Variants in RFWD3 observed in about 807,000 individuals in gnomAD.
The protein encoded by RFWD3 is ring finger and WD repeat domain 3, also known as E3 ubiquitin-protein ligase RFWD3.
Under a neutral mutation model 87.7 loss-of-function variants are expected in RFWD3, and 65 were observed. The ratio of observed to expected loss-of-function variants is 0.74; its 90% CI spans 0.61 to 0.91. The LOEUF (loss-of-function observed/expected upper bound fraction) is 0.91. RFWD3 is among the 40% of genes least tolerant of loss of function. The pLI, the probability that RFWD3 is intolerant of heterozygous loss-of-function variation, is 0.00. For missense variants in RFWD3, 1,078 were observed against 938.5 expected (o/e 1.15, Z -1.94); for synonymous variants, 433 against 352.8 (o/e 1.23, Z -2.55).
At chr16:74,651,426 G>A (rs187763888) in intron 3 of RFWD3, among the ~76,000 whole-genome samples, 81 of 152,044 alleles carry the variant, frequency 5.3e-4, no homozygotes, top group Non-Finnish European at 8.2e-4. Flanking sequence ...ATGACCAGCC[G>A]GGGCAACATG....
At chr16:74,661,895 G>C (rs1961470804) in intron 1 of RFWD3, among the ~76,000 whole-genome samples, 1 of 152,078 alleles carries the variant, frequency 6.6e-6, no homozygotes, top group South Asian at 2.1e-4. Context: ...GGGATAAATA[G>C]AGAAAGGACA....
chr16:74,650,561 C>G (rs1411875554), intron 3 of RFWD3, among the ~76,000 whole-genome samples: 1 of 152,032 alleles, frequency 6.6e-6, no homozygotes, highest in Non-Finnish European at 1.5e-5. Context: ...AACCCTGCAA[C>G]CTAATGGTTT....
At chr16:74,640,766 C>T (rs866136816) in intron 6 of RFWD3, among the ~76,000 whole-genome samples, 39 of 151,674 alleles carry the variant, frequency 2.6e-4, no homozygotes, top group Middle Eastern at 3.4e-3. Context: ...GGTGAAACCC[C>T]GTCTCTACTA....
intron 4 of RFWD3, among the ~76,000 whole-genome samples, chr16:74,646,542 C>T (rs998919646): frequency 6.6e-6 from 1 of 151,570 alleles, no homozygotes; most frequent in African/African-American, 2.4e-5. Flanking sequence ...AATCCTAGCA[C>T]TTTGGGAGGC....
At chr16:74,645,347 C>A (rs1410468763) in intron 4 of RFWD3, among the ~76,000 whole-genome samples, 2 of 152,180 alleles carry the variant, frequency 1.3e-5, no homozygotes, top group Non-Finnish European at 2.9e-5. Flanking sequence ...CTAGAGATAC[C>A]TCATGGATAT....
chr16:74,626,581 A>T (rs376863355), intron 11 of RFWD3, 27 bp from the exon 12 acceptor site: 1 of 1,583,180 alleles, frequency 6.3e-7, no homozygotes, highest in East Asian at 2.2e-5. Context: ...TCAGTGCTGC[A>T]CCATGGGGAC....
At chr16:74,642,234 T>C (rs1179254684) in intron 6 of RFWD3, among the ~76,000 whole-genome samples, 1 of 151,682 alleles carries the variant, frequency 6.6e-6, no homozygotes, top group African/African-American at 2.4e-5. Flanking sequence ...GCGATTCTCG[T>C]GCCTCAGCCT....
chr16:74,635,306 TA>T (rs991987835), intron 8 of RFWD3, among the ~76,000 whole-genome samples: 101 of 144,156 alleles, frequency 7.0e-4, no homozygotes, highest in African/African-American at 2.0e-3. Context: ...AAATAAAAAA[TA>T]AAAAAAAAAA....
At chr16:74,662,875 C>T (rs1180714429) in intron 1 of RFWD3, among the ~76,000 whole-genome samples, 1 of 151,566 alleles carries the variant, frequency 6.6e-6, no homozygotes, top group East Asian at 1.9e-4. Context: ...AACAAACAGA[C>T]AGCTTTAAGA....
chr16:74,624,371 T>C (rs776833419), intron 12 of RFWD3, among the ~76,000 whole-genome samples: 1 of 152,118 alleles, frequency 6.6e-6, no homozygotes, highest in Non-Finnish European at 1.5e-5. Flanking sequence ...TAAGATAAAG[T>C]CCCTGTCTTT....
At chr16:74,646,105 G>C (rs1597439662) in intron 4 of RFWD3, among the ~76,000 whole-genome samples, 1 of 152,300 alleles carries the variant, frequency 6.6e-6, no homozygotes, top group South Asian at 2.1e-4. Context: ...GCCAGGTGTA[G>C]TAATCACACC....
At chr16:74,658,738 A>G (rs758642267) in intron 2 of RFWD3, among the ~76,000 whole-genome samples, 3 of 151,606 alleles carry the variant, frequency 2.0e-5, no homozygotes, top group Admixed American at 6.6e-5. Flanking sequence ...TAAATTCTGT[A>G]TAACTCATTC....
intron 4 of RFWD3, among the ~76,000 whole-genome samples, chr16:74,647,690 C>T (rs577518437): frequency 6.6e-6 from 1 of 152,292 alleles, no homozygotes; most frequent in African/African-American, 2.4e-5. Flanking sequence ...CTCCCAGGTT[C>T]AAGCGATTCT....
chr16:74,624,055 C>T lies in RFWD3; in HGVS notation c.2198G>A (p.Ser733Asn). ...CTGTAGGTCCTGGAGCAACGAGCCA[C>T]TGGCAGCATCCCACAGCTAAAGAAC... is the stretch of plus-strand genomic sequence containing the variant. Reference protein sequence around the residue: ...ANSALLWDAASGSLLQDLQTD... With the variant: ...ANSALLWDAANGSLLQDLQTD... The change falls in exon 13 of 13, where the codon AGT becomes AAT. Residue 733 changes from serine to asparagine, a missense_variant. Physicochemically the swap from Ser to Asn is conservative, Grantham distance 46. Transcript: ENST00000361070. 1 of 1,613,992 alleles carries T rather than the reference C, an allele frequency of 6.2e-7. No individual in the cohort carries two copies. The highest frequency in any genetic ancestry group is 1.7e-5 in the Admixed American group (1 of 59,964).
At chr16:74,653,136 C>T (rs369913815) in intron 2 of RFWD3, among the ~76,000 whole-genome samples, 3 of 151,894 alleles carry the variant, frequency 2.0e-5, no homozygotes, top group Non-Finnish European at 4.4e-5. Context: ...CCTAGGAGTT[C>T]GAGACCAGCC....
intron 4 of RFWD3, among the ~76,000 whole-genome samples, chr16:74,646,517 G>C (rs374492324): frequency 1.3e-5 from 2 of 151,960 alleles, no homozygotes; most frequent in Admixed American, 6.5e-5. Context: ...GCTGGGCGCA[G>C]TGGCTCACAC....
intron 1 of RFWD3, among the ~76,000 whole-genome samples, chr16:74,665,752 C>CT (rs141723558): frequency 0.25 from 34,662 of 138,752 alleles, 4,735 homozygotes; most frequent in South Asian, 0.51. Flanking sequence ...TTCTTTCTTT[C>CT]TTTCTTTTTT....
chr16:74,652,553 T>C lies in RFWD3; in HGVS notation c.519-431A>G, dbSNP rs75007821. 2.9e-3 allele frequency among the ~76,000 whole-genome samples: 445 copies of C among 152,330 alleles called. 1 individual carries two copies. The highest frequency in any genetic ancestry group is 4.9e-3 in the Non-Finnish European group (334 of 68,040). ...CAGACCAAGGTATTTTGGAGTACAG[T>C]ACAGGGTCTGGCTTCTGTAATTTCT... is the stretch of plus-strand genomic sequence containing the variant. On this transcript the variant is annotated intron_variant, in intron 2 of 12. Coordinates refer to ENST00000361070, the MANE Select transcript of RFWD3 (RefSeq NM_018124.4).
intron 8 of RFWD3, 159 bp from the exon 9 acceptor site, chr16:74,632,832 T>C (rs1296573048): frequency 1.6e-6 from 1 of 641,164 alleles, no homozygotes; most frequent in Admixed American, 2.9e-5. Context: ...AATTTATTCA[T>C]TTATTTTTGA....
Sources: allele counts gnomAD v4.1 joint callset (sites outside exome capture counted in the v4.1 genomes callset), GRCh38; gene constraint gnomAD v4.1.1; transcripts MANE v1.5; gene names NCBI Gene and HGNC (gene_info 2026-07-23, HGNC 2026-07-21).